LRRC4C: variants seen among roughly 807,000 people sequenced by gnomAD.
The protein encoded by LRRC4C is leucine-rich repeat-containing protein 4C.
A neutral mutation model predicts 33.6 loss-of-function variants in LRRC4C; 5 were observed. That is an observed-to-expected ratio of 0.15 (90% CI 0.08 to 0.31). LRRC4C has a LOEUF of 0.31. Ranked by LOEUF, LRRC4C falls within the 10% of genes least tolerant of loss-of-function variation. LRRC4C has a pLI of 1.00. For missense variants in LRRC4C, 560 were observed against 796.7 expected (o/e 0.70, Z 3.58); for synonymous variants, 329 against 302.0 (o/e 1.09, Z -0.93).
chr11:40,906,969 G>T (rs1011441577), intron 2 of LRRC4C, among the ~76,000 whole-genome samples: 1 of 152,172 alleles, frequency 6.6e-6, no homozygotes, highest in African/African-American at 2.4e-5. Flanking sequence ...TACATATATT[G>T]TATGGCAATC....
At chr11:40,625,136 T>A (rs1962807600) in intron 3 of LRRC4C, among the ~76,000 whole-genome samples, 1 of 152,194 alleles carries the variant, frequency 6.6e-6, no homozygotes. Context: ...GTCACATGGC[T>A]AATAATTGCC....
intron 2 of LRRC4C, among the ~76,000 whole-genome samples, chr11:40,766,498 T>G (rs1949470876): frequency 6.6e-6 from 1 of 151,628 alleles, no homozygotes; most frequent in South Asian, 2.1e-4. Flanking sequence ...TACTTATGTC[T>G]TGATTATAAG....
chr11:40,423,406 G>C (rs1234898626), intron 3 of LRRC4C, among the ~76,000 whole-genome samples: 1 of 144,250 alleles, frequency 6.9e-6, no homozygotes, highest in Non-Finnish European at 1.5e-5. Context: ...GTGCAGTGGC[G>C]CCATCTCGGC....
At chr11:40,912,930 A>G (rs1224259810) in intron 2 of LRRC4C, among the ~76,000 whole-genome samples, 1 of 152,224 alleles carries the variant, frequency 6.6e-6, no homozygotes, top group Non-Finnish European at 1.5e-5. Flanking sequence ...TAAACTAACA[A>G]AGATCAAAAG....
At chr11:40,334,715 G>A (rs1292955356) in intron 3 of LRRC4C, among the ~76,000 whole-genome samples, 2 of 152,138 alleles carry the variant, frequency 1.3e-5, no homozygotes, top group Admixed American at 6.5e-5. Flanking sequence ...CCAGTCATCT[G>A]AGCGAGGTAT....
In LRRC4C at chr11:41,157,427, G is replaced by A. The variant is rs1022312993; in HGVS notation, c.-495-223704C>T. 8.6e-5 allele frequency among the ~76,000 whole-genome samples: 13 copies of A among 151,604 alleles called. No individual in the cohort carries two copies. In the South Asian group the frequency reaches 2.7e-3, roughly 31 times the overall value. Reference sequence around the variant, plus strand: ...TGTAAAAGTCCATAGGACCATATATGGAAAAAAAAGAACCATTTAAAATTC... The same window carrying A: ...TGTAAAAGTCCATAGGACCATATATAGAAAAAAAAGAACCATTTAAAATTC... On this transcript the variant is annotated intron_variant, in intron 1 of 6. Transcript: ENST00000528697.
chr11:40,996,680 G>A (rs1852393783), intron 1 of LRRC4C, among the ~76,000 whole-genome samples: 2 of 152,122 alleles, frequency 1.3e-5, no homozygotes, highest in African/African-American at 4.8e-5. Flanking sequence ...AAGAAGCATG[G>A]TGCCAGCATC....
chr11:41,039,175 T>G (rs976584889), intron 1 of LRRC4C, among the ~76,000 whole-genome samples: 5 of 152,118 alleles, frequency 3.3e-5, no homozygotes, highest in African/African-American at 1.2e-4. Context: ...TCCACAGGGG[T>G]CGTATATAAC....
chr11:41,271,017 T>G (rs1424067854), intron 1 of LRRC4C, among the ~76,000 whole-genome samples: 1 of 152,066 alleles, frequency 6.6e-6, no homozygotes, highest in African/African-American at 2.4e-5. Flanking sequence ...AGGGCCCATC[T>G]TAGAATAATC....
intron 3 of LRRC4C, among the ~76,000 whole-genome samples, chr11:40,426,076 C>T (rs1447374636): frequency 1.3e-5 from 2 of 149,080 alleles, no homozygotes; most frequent in Non-Finnish European, 3.0e-5. Context: ...TGCAGTGGCG[C>T]GATCTTGGCT....
intron 2 of LRRC4C, among the ~76,000 whole-genome samples, chr11:40,773,782 C>T (rs78151737): frequency 2.0e-5 from 3 of 151,814 alleles, no homozygotes; most frequent in African/African-American, 4.8e-5. Flanking sequence ...TATATGTGGG[C>T]TATAATATAT....
At chr11:40,690,503 G>A (rs1591473936) in intron 2 of LRRC4C, among the ~76,000 whole-genome samples, 1 of 151,968 alleles carries the variant, frequency 6.6e-6, no homozygotes, top group Non-Finnish European at 1.5e-5. Context: ...CTTTATAGGC[G>A]AAAAAACAGA....
intron 1 of LRRC4C, among the ~76,000 whole-genome samples, chr11:41,350,780 T>C (rs1268811266): frequency 6.6e-6 from 1 of 152,184 alleles, no homozygotes; most frequent in Non-Finnish European, 1.5e-5. Flanking sequence ...ATGACCATTT[T>C]AAGAGAGAAC....
At chr11:40,338,850 A>G (rs1946744786) in intron 3 of LRRC4C, among the ~76,000 whole-genome samples, 1 of 152,188 alleles carries the variant, frequency 6.6e-6, no homozygotes. Context: ...TGGCCACTAG[A>G]CTATAAAAAG....
At chr11:40,124,645 TATCA>T (rs1166240872) in intron 6 of LRRC4C, among the ~76,000 whole-genome samples, 3 of 152,162 alleles carry the variant, frequency 2.0e-5, no homozygotes, top group African/African-American at 7.2e-5. Flanking sequence ...GAATGATGGT[TATCA>T]GAGACTGGGA....
At chr11:40,913,874 C>T (rs1289210625) in intron 2 of LRRC4C, among the ~76,000 whole-genome samples, 2 of 151,938 alleles carry the variant, frequency 1.3e-5, no homozygotes, top group Non-Finnish European at 2.9e-5. Context: ...ATATCACCAC[C>T]GATCCCACAG....
intron 2 of LRRC4C, among the ~76,000 whole-genome samples, chr11:40,808,694 A>G (rs904249939): frequency 9.2e-5 from 14 of 152,096 alleles, no homozygotes; most frequent in Admixed American, 2.6e-4. Flanking sequence ...TCAATCCTAT[A>G]TTTCTGATCC....
At position 40,779,462 on chromosome 11, in the gene LRRC4C, G is replaced by C. The variant is rs139593270; in HGVS notation, c.-406-131184C>G. ...TTGATTAATTGAAATATAAATCAGA[G>C]AAAACAAAAAATTAATGTAAAATTT... On this transcript the variant is annotated intron_variant, in intron 2 of 6. Coordinates refer to ENST00000528697, the MANE Select transcript of LRRC4C (RefSeq NM_001258419.2). 2.2e-3 allele frequency among the ~76,000 whole-genome samples: 335 copies of C among 152,042 alleles called. 1 individual carries two copies. The highest frequency in any genetic ancestry group is 7.8e-3 in the African/African-American group (325 of 41,484).
At chr11:40,998,520 A>G (rs1040342268) in intron 1 of LRRC4C, among the ~76,000 whole-genome samples, 1 of 152,104 alleles carries the variant, frequency 6.6e-6, no homozygotes, top group African/African-American at 2.4e-5. Context: ...TCTCCATGCA[A>G]TATAAGGATT....
Sources: gnomAD v4.1 joint callset for allele counts (sites outside exome capture counted in the v4.1 genomes callset) on GRCh38, gnomAD v4.1.1 for gene constraint, MANE v1.5 for transcripts, NCBI Gene and HGNC (gene_info 2026-07-23, HGNC 2026-07-21) for gene names.